NRXN3: variants seen among roughly 807,000 people sequenced by gnomAD.
NRXN3 encodes neurexin 3, also known as neurexin III.
Under a neutral mutation model 137.6 loss-of-function variants are expected in NRXN3, and 32 were observed. The ratio of observed to expected loss-of-function variants is 0.23; its 90% CI spans 0.18 to 0.31. The LOEUF is 0.31. Among genes scored for constraint, NRXN3 ranks in the 10% least tolerant of loss-of-function variants. The pLI, the probability that NRXN3 is intolerant of heterozygous loss-of-function variation, is 1.00. For synonymous variants in NRXN3, 798 were observed against 784.5 expected (o/e 1.02, Z -0.29); for missense variants, 1,574 against 2,062.5 (o/e 0.76, Z 4.59).
intron 19 of NRXN3, among the ~76,000 whole-genome samples, chr14:79,778,451 G>A (rs1386344871): frequency 6.6e-6 from 1 of 151,904 alleles, no homozygotes; most frequent in Non-Finnish European, 1.5e-5. Context: ...AACAAAAAAA[G>A]ATGAGCAGCA....
chr14:79,179,596 A>C (rs977052745), intron 15 of NRXN3, among the ~76,000 whole-genome samples: 21 of 152,198 alleles, frequency 1.4e-4, no homozygotes, highest in African/African-American at 5.1e-4. Context: ...CTGATGTTAT[A>C]GCAATTCTTA....
intron 19 of NRXN3, among the ~76,000 whole-genome samples, chr14:79,770,337 C>T (rs2099073078): frequency 6.6e-6 from 1 of 151,614 alleles, no homozygotes; most frequent in Non-Finnish European, 1.5e-5. Flanking sequence ...TTCAGCACCA[C>T]ACCACACCTA....
At chr14:79,679,075 T>C (rs1019917409) in intron 17 of NRXN3, among the ~76,000 whole-genome samples, 6 of 152,094 alleles carry the variant, frequency 3.9e-5, no homozygotes, top group African/African-American at 1.4e-4. Context: ...CATTCACATC[T>C]TTTATTATTA....
chr14:79,304,483 T>G (rs1048020577), intron 15 of NRXN3, among the ~76,000 whole-genome samples: 4 of 152,018 alleles, frequency 2.6e-5, no homozygotes, highest in Admixed American at 2.0e-4. Context: ...ATTCATGAAT[T>G]GGGCAGCTCC....
chr14:79,611,448 A>T (rs1400347877), intron 16 of NRXN3: 1 of 152,192 alleles, frequency 6.6e-6, no homozygotes, highest in Non-Finnish European at 1.5e-5. Flanking sequence ...AAATACAAAA[A>T]ATTAGCCGGG....
At chr14:79,502,661 A>T (rs2096837299) in intron 16 of NRXN3, among the ~76,000 whole-genome samples, 1 of 152,028 alleles carries the variant, frequency 6.6e-6, no homozygotes, top group African/African-American at 2.4e-5. Context: ...CAAGTGGAAA[A>T]GACCTGAGCC....
intron 6 of NRXN3, among the ~76,000 whole-genome samples, chr14:78,682,103 T>C (rs892364044): frequency 2.6e-5 from 4 of 152,098 alleles, no homozygotes; most frequent in African/African-American, 9.7e-5. Context: ...CTTGACCTTG[T>C]GATCCACCTG....
chr14:79,572,951 A>C (rs975776461), intron 16 of NRXN3: 12 of 152,202 alleles, frequency 7.9e-5, no homozygotes, highest in African/African-American at 2.9e-4. Context: ...ATAATTCAAG[A>C]CAGCCAGAAT....
At chr14:79,589,510 G>A (rs1245321165) in intron 16 of NRXN3, among the ~76,000 whole-genome samples, 1 of 49,464 alleles carries the variant, frequency 2.0e-5, no homozygotes. Flanking sequence ...GAAATATTCA[G>A]AATAATGAAC....
At chr14:78,679,189 C>T (rs997086619) in intron 6 of NRXN3, among the ~76,000 whole-genome samples, 7 of 152,170 alleles carry the variant, frequency 4.6e-5, no homozygotes, top group East Asian at 3.8e-4. Flanking sequence ...AGGCTTCCCT[C>T]TTTGGAGGCA....
intron 1 of NRXN3, among the ~76,000 whole-genome samples, chr14:78,223,330 T>A (rs887000522): frequency 6.6e-6 from 1 of 152,254 alleles, no homozygotes; most frequent in African/African-American, 2.4e-5. Flanking sequence ...CTTTCTTTTC[T>A]CTTTTTGCCT....
At chr14:78,231,772 A>T (rs1404652476) in intron 1 of NRXN3, among the ~76,000 whole-genome samples, 3 of 152,212 alleles carry the variant, frequency 2.0e-5, no homozygotes, top group Non-Finnish European at 4.4e-5. Flanking sequence ...AAATGACTTC[A>T]CGTGTACCAT....
chr14:79,300,807 G>A (rs1258618989), intron 15 of NRXN3, among the ~76,000 whole-genome samples: 2 of 152,006 alleles, frequency 1.3e-5, no homozygotes, highest in Admixed American at 6.6e-5. Flanking sequence ...AAGGGTGAGC[G>A]TGCAAGGATG....
chr14:79,693,103 A>T (rs192020537), intron 18 of NRXN3, among the ~76,000 whole-genome samples: 5 of 152,166 alleles, frequency 3.3e-5, no homozygotes, highest in African/African-American at 1.2e-4. Flanking sequence ...ATTTTCCTGT[A>T]TAGCTTCTAG....
At chr14:78,419,955 G>GCA (rs1555518552) in intron 4 of NRXN3, among the ~76,000 whole-genome samples, 10,174 of 148,936 alleles carry the variant, frequency 0.068, 477 homozygotes, top group East Asian at 0.31. Flanking sequence ...GCGCGCGCGC[G>GCA]CGCACGCACA....
At chr14:78,559,074 T>C (rs1232036780) in intron 4 of NRXN3, among the ~76,000 whole-genome samples, 1 of 152,238 alleles carries the variant, frequency 6.6e-6, no homozygotes, top group Non-Finnish European at 1.5e-5. Flanking sequence ...TTTCCATTTG[T>C]AACACACTGT....
intron 20 of NRXN3, among the ~76,000 whole-genome samples, chr14:79,816,462 T>C (rs2099251658): frequency 6.6e-6 from 1 of 152,226 alleles, no homozygotes; most frequent in African/African-American, 2.4e-5. Flanking sequence ...TTAGAACTCC[T>C]GATTACTCTG....
intron 16 of NRXN3, among the ~76,000 whole-genome samples, chr14:79,483,731 C>T (rs1056347046): frequency 1.3e-5 from 2 of 151,976 alleles, no homozygotes; most frequent in Non-Finnish European, 2.9e-5. Flanking sequence ...ATCACAGGGT[C>T]CACACAGAGC....
At chr14:78,975,368 G>A (rs898828092) in intron 14 of NRXN3, among the ~76,000 whole-genome samples, 9 of 152,132 alleles carry the variant, frequency 5.9e-5, no homozygotes, top group African/African-American at 9.7e-5. Flanking sequence ...AAGCACATTC[G>A]AGAGCTTGGC....
Sources: gnomAD v4.1 joint callset for allele counts (sites outside exome capture counted in the v4.1 genomes callset) on GRCh38, gnomAD v4.1.1 for gene constraint, MANE v1.5 for transcripts, NCBI Gene and HGNC (gene_info 2026-07-23, HGNC 2026-07-21) for gene names.